NPR2: variants seen among roughly 807,000 people sequenced by gnomAD.
NPR2 encodes atrial natriuretic peptide receptor 2.
A neutral mutation model predicts 120.7 loss-of-function variants in NPR2; 49 were observed. The observed-to-expected ratio is 0.41, with a 90% confidence interval of 0.32 to 0.52. The LOEUF (loss-of-function observed/expected upper bound fraction) is 0.52. Among genes scored for constraint, NPR2 ranks in the 20% least tolerant of loss-of-function variants. The probability of loss-of-function intolerance (pLI) is 0.36; values close to 1 mark genes in which losing one functional copy is unlikely to be tolerated. For missense variants in NPR2, 931 were observed against 1,362.9 expected, an observed-to-expected ratio of 0.68 and a Z score of 4.99; for synonymous variants, 484 against 519.8, an observed-to-expected ratio of 0.93 and a Z score of 0.94.
rs755635130 is a variant in NPR2, at chr9:35,801,919, G to A, written c.1558-7G>A. ...TCCTTCCGCCTCCATGTTGCCCTTG[G>A]CCCCAGCGGGGATCCAGTTACGGCT... On this transcript the variant is annotated splice_region_variant and splice_polypyrimidine_tract_variant and intron_variant, in intron 8 of 21. Coordinates refer to ENST00000342694, the MANE Select transcript of NPR2 (RefSeq NM_003995.4). 11 of 1,614,026 alleles carry A rather than the reference G, an allele frequency of 6.8e-6. No homozygotes were observed. In the South Asian group the frequency reaches 1.2e-4, roughly 18 times the overall value.
At position 35,800,468 on chromosome 9, in the gene NPR2, T is replaced by G. The variant is rs780187546; in HGVS notation, c.1203T>G (p.Asp401Glu). The G allele has an allele frequency of 1.2e-6, 2 of 1,613,434 alleles. 1 individual carries two copies. Among genetic ancestry groups the G allele is most frequent in the Admixed American group, 3.3e-5 (2 of 60,016 alleles). Residue 401 changes from aspartate to glutamate, a missense_variant, in exon 5 of 22, where the codon GAT becomes GAG. Asp to Glu is a conservative substitution (Grantham distance 45, BLOSUM62 2). This residue lies in a region of NPR2 where 681 missense variants were observed against 974.3 expected (regional missense o/e 0.70). Coordinates refer to ENST00000342694, the MANE Select transcript of NPR2 (RefSeq NM_003995.4). This position sits in a 1 kb window ranked among gnomAD's most constrained non-coding sequence, Gnocchi z 4.7. ...TCCTCTGGGCCATGGGAGACCTGGATTCTGGGGACTTTCAGGTGATGGAGG... is the reference window on the plus strand; with the variant it reads ...TCCTCTGGGCCATGGGAGACCTGGAGTCTGGGGACTTTCAGGTGATGGAGG... ...DFVLWAMGDL[D>E]SGDFQPAAHY... is the part of the protein sequence containing the mutation.
At chr9:35,798,328 C>G (rs576340698) in intron 2 of NPR2, among the ~76,000 whole-genome samples, 1 of 152,174 alleles carries the variant, frequency 6.6e-6, no homozygotes, top group South Asian at 2.1e-4. Context: ...CTATTTCAAC[C>G]CTTTCCTCAA....
chr9:35,793,120 C>G, intron 1 of NPR2, 45 bp downstream of exon 1: 1 of 1,535,598 alleles, frequency 6.5e-7, no homozygotes, highest in Middle Eastern at 1.7e-4. Flanking sequence ...AGGAGGGTCG[C>G]TGTGTCCCTA....
rs1253345793 is a variant in NPR2 at position 35,807,417 on chromosome 9, G to A, written c.2712+19G>A. On this transcript the variant is annotated intron_variant, in intron 18 of 21. Coordinates refer to ENST00000342694, the MANE Select transcript of NPR2 (RefSeq NM_003995.4). ...CTACAAGGTGAGAGCTGGGGCCGCT[G>A]TTCAATAGAAGACCCTTTAATAGAG... 8.9e-6 allele frequency: 13 copies of A among 1,466,752 alleles called. No individual in the cohort carries two copies. The highest frequency in any genetic ancestry group is 1.1e-5 in the Non-Finnish European group (12 of 1,052,024). The allele number at this position is 1,466,752 out of a possible 1,614,324, so 90.9% of individuals were successfully genotyped here.
In NPR2 at chr9:35,805,341, C is replaced by G. The variant is rs1398720410; in HGVS notation, c.1888-170C>G. Reference sequence around the variant, plus strand: ...ATGATACCAGGAACAGATGACTCTTCTGTTCTTCCTGCTTCCTTGGGTGGA... The same window carrying G: ...ATGATACCAGGAACAGATGACTCTTGTGTTCTTCCTGCTTCCTTGGGTGGA... On this transcript the variant is annotated intron_variant, in intron 12 of 21. Coordinates refer to ENST00000342694, the MANE Select transcript of NPR2 (RefSeq NM_003995.4). The surrounding 1 kb of genome is among the most constrained non-coding windows in gnomAD (Gnocchi z 4.9). Among the ~76,000 whole-genome samples the G allele has an allele frequency of 6.6e-6, 1 of 152,222 alleles. No homozygotes were observed. The highest frequency in any genetic ancestry group is 1.5e-5 in the Non-Finnish European group (1 of 68,040).
chr9:35,797,619 C>T (rs1046945736), intron 2 of NPR2, among the ~76,000 whole-genome samples: 3 of 152,118 alleles, frequency 2.0e-5, no homozygotes, highest in African/African-American at 4.8e-5. Context: ...CCATTTGTGG[C>T]GGACTTTGCT....
intron 2 of NPR2, among the ~76,000 whole-genome samples, chr9:35,794,956 T>C (rs1187646058): frequency 1.3e-5 from 2 of 151,886 alleles, no homozygotes; most frequent in South Asian, 2.1e-4. Context: ...TGAGGTGATA[T>C]AGCTTGAACT....
chr9:35,797,711 G>A (rs899249817), intron 2 of NPR2, among the ~76,000 whole-genome samples: 3 of 151,808 alleles, frequency 2.0e-5, no homozygotes, highest in East Asian at 1.9e-4. Flanking sequence ...AGCAAGCACA[G>A]AAACTGTTTG....
rs1157892616 is a variant in NPR2, at chr9:35,792,205, C to CCACTCCTT, written c.-203_-196dup. The CCACTCCTT allele has an allele frequency of 1.8e-6, 1 of 564,476 alleles. No homozygotes were observed. Among genetic ancestry groups the CCACTCCTT allele is most frequent in the Admixed American group, 3.1e-5 (1 of 32,366 alleles). 35.0% of individuals were successfully genotyped at this position (564,476 alleles called of 1,614,324 possible). The stretch of plus-strand genomic sequence containing the variant: ...TCAGTCCTTGCCCTAGGCTGGTAGC[C>CCACTCCTT]CACTCCTTGCCCGCCCCCCGCCTTC... On this transcript the variant is annotated 5_prime_UTR_variant, in exon 1 of 22. An upstream open reading frame in the 5' UTR loses its in-frame stop. Transcript: ENST00000342694.
chr9:35,808,139 G>T lies in NPR2; in HGVS notation c.2713-370G>T. 6.6e-7 allele frequency: 1 copy of T among 1,504,148 alleles called. No individual in the cohort carries two copies. Among genetic ancestry groups the T allele is most frequent in the Non-Finnish European group, 9.3e-7 (1 of 1,080,386 alleles). 93.2% of individuals were successfully genotyped at this position (1,504,148 alleles called of 1,614,324 possible). Reference sequence around the variant, plus strand: ...TTCCTCCTCTCTGACAGTTTGGGCTGTCAGGTCCATTTCACTGGGCCTGCT... The same window carrying T: ...TTCCTCCTCTCTGACAGTTTGGGCTTTCAGGTCCATTTCACTGGGCCTGCT... On this transcript the variant is annotated intron_variant, in intron 18 of 21. Coordinates refer to ENST00000342694, the MANE Select transcript of NPR2 (RefSeq NM_003995.4). The surrounding 1 kb of genome is among the most constrained non-coding windows in gnomAD (Gnocchi z 4.0).
Position 35,791,896 on chromosome 9 carries a change from C to T in NPR2, c.-513C>T, listed in dbSNP as rs1385699867. 1.3e-5 allele frequency among the ~76,000 whole-genome samples: 2 copies of T among 152,046 alleles called. No individual in the cohort carries two copies. The highest frequency in any genetic ancestry group is 4.8e-5 in the African/African-American group (2 of 41,410). On this transcript the variant is annotated 5_prime_UTR_variant, in exon 1 of 22. Coordinates refer to ENST00000342694, the MANE Select transcript of NPR2 (RefSeq NM_003995.4). ...GGCCCAGGCCTCGCTTCGCTCCCCG[C>T]CTGCCCATGATCCCAGTCCTTCCGC... is the stretch of plus-strand genomic sequence containing the variant.
chr9:35,794,083 G>A lies in NPR2; in HGVS notation c.853G>A (p.Ala285Thr), dbSNP rs886063911. The A allele has an allele frequency of 6.2e-7, 1 of 1,613,984 alleles. No homozygotes were observed. The highest frequency in any genetic ancestry group is 1.3e-5 in the African/African-American group (1 of 74,932). ...QDNRTREQAQ[A>T]LREAFQTVLV... ...CAATCGCACCCGGGAACAGGCCCAG[G>A]CCCTCAGAGAGGCCTTTCAGGTATC... The change falls in exon 2 of 22, where the codon GCC (alanine) becomes ACC (threonine). Residue 285 changes from alanine (A) to threonine (T), a missense_variant. By Grantham distance (58) the Ala-to-Thr change is moderately conservative. This residue lies in a region of NPR2 where 681 missense variants were observed against 974.3 expected (regional missense o/e 0.70). Transcript: ENST00000342694.
rs1158632402 is a variant in NPR2, at chr9:35,807,319, A to G, written c.2644-11A>G. ...CAAGTCTCAGGGCCTCTGCTTTTCT[A>G]TCCCTTTTAGGTAGTGACACTTCTT... On this transcript the variant is annotated splice_polypyrimidine_tract_variant and intron_variant, in intron 17 of 21. Coordinates refer to ENST00000342694, the MANE Select transcript of NPR2 (RefSeq NM_003995.4). 3.7e-6 allele frequency: 6 copies of G among 1,610,824 alleles called. No homozygotes were observed. The South Asian group carries it at 5.5e-5, about 15-fold the overall frequency.
chr9:35,807,005 G>A lies in NPR2; in HGVS notation c.2520-18G>A, dbSNP rs757420062. On this transcript the variant is annotated intron_variant, in intron 16 of 21. Transcript: ENST00000342694. Reference sequence around the variant, plus strand: ...TGCTCTCTTGGAGTTTGGCTCATACGGCACCCTTGCTTCCTAGTTCAGTGG... The same window carrying A: ...TGCTCTCTTGGAGTTTGGCTCATACAGCACCCTTGCTTCCTAGTTCAGTGG... 5 of 1,613,746 alleles carry A rather than the reference G, an allele frequency of 3.1e-6. No individual in the cohort carries two copies. Among genetic ancestry groups the A allele is most frequent in the South Asian group, 2.2e-5 (2 of 91,068 alleles).
At chr9:35,807,179 G>GT in intron 17 of NPR2, 33 bp downstream of exon 17, 2 of 954,698 alleles carry the variant, frequency 2.1e-6, no homozygotes, top group African/African-American at 4.6e-5. Context: ...GGCGGGTGGG[G>GT]TTGGGTGGGT....
rs146546770 is a variant in NPR2, at chr9:35,809,420, G to A, written c.3119G>A (p.Arg1040Gln). 141 of 1,614,032 alleles carry A rather than the reference G, an allele frequency of 8.7e-5. No individual in the cohort carries two copies. Among genetic ancestry groups the A allele is most frequent in the African/African-American group, 4.5e-4 (34 of 74,886 alleles). Residue 1040 changes from arginine to glutamine, a missense_variant, in exon 22 of 22, where the codon CGG becomes CAG. Physicochemically the swap from Arg to Gln is conservative, Grantham distance 43. Transcript: ENST00000342694. This position sits in a 1 kb window ranked among gnomAD's most constrained non-coding sequence, Gnocchi z 4.1. Reference sequence around the variant, plus strand: ...CGAACATACTGGCTCTTAGGAGAGCGGAAAGGACCTCCTGGACTCCTGTAA... The same window carrying A: ...CGAACATACTGGCTCTTAGGAGAGCAGAAAGGACCTCCTGGACTCCTGTAA... ...KMRTYWLLGE[R>Q]KGPPGLL
chr9:35,800,270 C>T lies in NPR2; in HGVS notation c.1123+113C>T. The T allele has an allele frequency of 4.3e-6, 6 of 1,392,770 alleles. No homozygotes were observed. The South Asian group carries it at 6.9e-5, about 16-fold the overall frequency. The allele number at this position is 1,392,770 out of a possible 1,614,324, so 86.3% of individuals were successfully genotyped here. A position where few individuals can be genotyped will look rare whatever the true frequency, so the allele number is the denominator to read the frequency against. ...CTTTAGTGGGGGTTAGTGAATATGG[C>T]AGAGTTGCCCACACCTCAAGATCGG... On this transcript the variant is annotated intron_variant, in intron 4 of 21. Transcript: ENST00000342694. This position sits in a 1 kb window ranked among gnomAD's most constrained non-coding sequence, Gnocchi z 4.7.
At position 35,800,019 on chromosome 9, in the gene NPR2, C is replaced by T. The variant is rs1415298357; in HGVS notation, c.988-3C>T. 1 of 1,613,926 alleles carries T rather than the reference C, an allele frequency of 6.2e-7. No homozygotes were observed. Among genetic ancestry groups the T allele is most frequent in the South Asian group, 1.1e-5 (1 of 91,054 alleles). On this transcript the variant is annotated splice_polypyrimidine_tract_variant and splice_region_variant and intron_variant, in intron 3 of 21. Coordinates refer to ENST00000342694, the MANE Select transcript of NPR2 (RefSeq NM_003995.4). This position sits in a 1 kb window ranked among gnomAD's most constrained non-coding sequence, Gnocchi z 4.7. ...AGAGTACTGCTGAAGTTGCCACCCC[C>T]AGATGAACCTCATCGCTGGCTGCTT... is the stretch of plus-strand genomic sequence containing the variant.
Position 35,808,899 on chromosome 9 carries a change from G to C in NPR2, c.2986+46G>C. Reference sequence around the variant, plus strand: ...CCCACTGTTGGCCTCAATTTATCTTGCCCTTTTCTTCTTTTCATAATCCCT... The same window carrying C: ...CCCACTGTTGGCCTCAATTTATCTTCCCCTTTTCTTCTTTTCATAATCCCT... On this transcript the variant is annotated intron_variant, in intron 20 of 21. Coordinates refer to ENST00000342694, the MANE Select transcript of NPR2 (RefSeq NM_003995.4). The surrounding 1 kb of genome is among the most constrained non-coding windows in gnomAD (Gnocchi z 4.0). 1 of 1,207,230 alleles carries C rather than the reference G, an allele frequency of 8.3e-7. No homozygotes were observed. The highest frequency in any genetic ancestry group is 1.9e-4 in the Middle Eastern group (1 of 5,298). The allele number at this position is 1,207,230 out of a possible 1,614,324, so 74.8% of individuals were successfully genotyped here.
Sources: gnomAD v4.1 joint callset for allele counts (sites outside exome capture counted in the v4.1 genomes callset) on GRCh38, gnomAD v4.1.1 for gene constraint, gnomAD v4.1.1 regional missense constraint, Gnocchi (gnomAD v3.1) non-coding constraint, MANE v1.5 for transcripts, NCBI Gene and HGNC (gene_info 2026-07-23, HGNC 2026-07-21) for gene names.